The following RAP1GAP2 variants were observed in gnomAD, a reference collection of about 807,000 sequenced individuals.
The protein encoded by RAP1GAP2 is rap1 GTPase-activating protein 2.
Under a neutral mutation model 95.0 loss-of-function variants are expected in RAP1GAP2, and 27 were observed. The ratio of observed to expected loss-of-function variants is 0.28; its 90% CI spans 0.21 to 0.39. RAP1GAP2 has a LOEUF of 0.39. Ranked by LOEUF, RAP1GAP2 falls within the 10% of genes least tolerant of loss-of-function variation. RAP1GAP2 has a pLI of 1.00. For synonymous variants in RAP1GAP2, 373 were observed against 380.9 expected, an observed-to-expected ratio of 0.98 and a Z score of 0.24; for missense variants, 771 against 970.0, an observed-to-expected ratio of 0.79 and a Z score of 2.72.
At chr17:2,814,987 G>T (rs2069942457) in intron 2 of RAP1GAP2, among the ~76,000 whole-genome samples, 1 of 152,084 alleles carries the variant, frequency 6.6e-6, no homozygotes, top group Admixed American at 6.6e-5. Context: ...ACCCTGCCAT[G>T]CCCTGTTCAA....
chr17:2,970,884 A>T (rs1017534), intron 8 of RAP1GAP2, among the ~76,000 whole-genome samples: 27,273 of 151,894 alleles, frequency 0.18, 2,782 homozygotes, highest in East Asian at 0.32. Context: ...TTAAAAAAAA[A>T]ATTAGCTGGG....
intron 2 of RAP1GAP2, among the ~76,000 whole-genome samples, chr17:2,844,121 C>T (rs1026667619): frequency 1.3e-5 from 2 of 151,852 alleles, no homozygotes. Context: ...CCTGGGTTCA[C>T]GCCATTCTCC....
At chr17:2,969,658 C>T (rs2044773179) in intron 8 of RAP1GAP2, among the ~76,000 whole-genome samples, 1 of 151,788 alleles carries the variant, frequency 6.6e-6, no homozygotes, top group Non-Finnish European at 1.5e-5. Flanking sequence ...CATGCCACCA[C>T]ACCTGGCTAA....
intron 2 of RAP1GAP2, among the ~76,000 whole-genome samples, chr17:2,887,405 G>A (rs1038648552): frequency 1.6e-4 from 24 of 148,258 alleles, no homozygotes; most frequent in Non-Finnish European, 2.2e-4. Context: ...ATGGAGTTTC[G>A]CTCTTGTTGT....
intron 3 of RAP1GAP2, among the ~76,000 whole-genome samples, chr17:2,921,060 C>A (rs141656953): frequency 6.6e-6 from 1 of 152,118 alleles, no homozygotes; most frequent in Non-Finnish European, 1.5e-5. Context: ...CTCCCGGAGC[C>A]CCCCCGGCAG....
intron 1 of RAP1GAP2, among the ~76,000 whole-genome samples, chr17:2,757,233 C>T (rs1268535030): frequency 6.6e-6 from 1 of 152,206 alleles, no homozygotes. Flanking sequence ...ATCCTCCCAC[C>T]TCAGCCTCCC....
chr17:3,013,908 G>A (rs2046660761), intron 17 of RAP1GAP2, among the ~76,000 whole-genome samples: 1 of 152,132 alleles, frequency 6.6e-6, no homozygotes, highest in African/African-American at 2.4e-5. Context: ...GATCTTGTAT[G>A]TGAAGCTCAT....
At chr17:2,812,573 C>T (rs1178671863) in intron 2 of RAP1GAP2, among the ~76,000 whole-genome samples, 2 of 151,890 alleles carry the variant, frequency 1.3e-5, no homozygotes, top group East Asian at 3.9e-4. Flanking sequence ...CCCCCAGCCC[C>T]CATCTGGTGG....
chr17:2,872,021 C>T (rs575713602), intron 2 of RAP1GAP2, among the ~76,000 whole-genome samples: 4 of 151,978 alleles, frequency 2.6e-5, no homozygotes, highest in Admixed American at 1.3e-4. Context: ...GCCAGGAATT[C>T]GAGACCAGAC....
intron 3 of RAP1GAP2, among the ~76,000 whole-genome samples, chr17:2,908,585 T>G (rs551526531): frequency 4.0e-5 from 6 of 151,778 alleles, no homozygotes; most frequent in African/African-American, 1.2e-4. Context: ...TGATGAGATA[T>G]GAGATTTGGG....
chr17:2,850,185 A>G, intron 2 of RAP1GAP2, among the ~76,000 whole-genome samples: 1 of 150,720 alleles, frequency 6.6e-6, no homozygotes, highest in East Asian at 2.0e-4. Context: ...TATTTTTAGT[A>G]GAGACGGGGT....
Position 2,904,393 on chromosome 17 carries a change from G to A in RAP1GAP2, c.81-891G>A, listed in dbSNP as rs974954787. ...AGTGTGTGAGCGCGGCAAACTTGTC[G>A]CAGTCATGTTGCCATGGTGACACAA... is the stretch of plus-strand genomic sequence containing the variant. On this transcript the variant is annotated intron_variant, in intron 2 of 24. Transcript: ENST00000254695. This position sits in a 1 kb window ranked among gnomAD's most constrained non-coding sequence, Gnocchi z 4.7. 1.3e-5 allele frequency among the ~76,000 whole-genome samples: 2 copies of A among 152,170 alleles called. No homozygotes were observed. Among genetic ancestry groups the A allele is most frequent in the African/African-American group, 4.8e-5 (2 of 41,442 alleles).
At chr17:2,764,611 C>T (rs2068242741) in intron 1 of RAP1GAP2, among the ~76,000 whole-genome samples, 3 of 152,066 alleles carry the variant, frequency 2.0e-5, no homozygotes. Context: ...ATCCCAGCTA[C>T]TCAGGAGGCT....
At chr17:3,021,428 GTCTTTT>G (rs2046954006) in intron 19 of RAP1GAP2, among the ~76,000 whole-genome samples, 1 of 100,252 alleles carries the variant, frequency 1.0e-5, no homozygotes. Flanking sequence ...TGCGATATTT[GTCTTTT>G]TTTTTTTTTT....
intron 2 of RAP1GAP2, among the ~76,000 whole-genome samples, chr17:2,882,014 G>A (rs1045564916): frequency 6.6e-6 from 1 of 150,606 alleles, no homozygotes; most frequent in African/African-American, 2.4e-5. Flanking sequence ...TAGAGGTGGG[G>A]TTTCACTGTG....
intron 1 of RAP1GAP2, among the ~76,000 whole-genome samples, chr17:2,790,042 T>A (rs890451505): frequency 2.0e-5 from 3 of 152,028 alleles, no homozygotes; most frequent in Non-Finnish European, 2.9e-5. Flanking sequence ...TTCACTAATG[T>A]GGGGTTGCTG....
intron 4 of RAP1GAP2, 22 bp from the exon 5 acceptor site, chr17:2,962,648 C>T: frequency 1.9e-6 from 3 of 1,572,222 alleles, no homozygotes; most frequent in Middle Eastern, 1.8e-4. Flanking sequence ...TTCTGTGGAT[C>T]CTGTTTTCCT....
intron 4 of RAP1GAP2, 135 bp from the exon 5 acceptor site, chr17:2,962,535 T>C: frequency 4.5e-6 from 4 of 884,086 alleles, no homozygotes; most frequent in Non-Finnish European, 6.9e-6. Flanking sequence ...CCAGGTGTGA[T>C]GTGTGCAGGC....
At chr17:2,918,793 G>A (rs1023644131) in intron 3 of RAP1GAP2, among the ~76,000 whole-genome samples, 1 of 152,120 alleles carries the variant, frequency 6.6e-6, no homozygotes, top group Admixed American at 6.6e-5. Context: ...AGATTTGAGT[G>A]GGGACACAAA....
Sources: allele counts gnomAD v4.1 joint callset (sites outside exome capture counted in the v4.1 genomes callset), GRCh38; gene constraint gnomAD v4.1.1; non-coding constraint Gnocchi (gnomAD v3.1); transcripts MANE v1.5; gene names NCBI Gene and HGNC (gene_info 2026-07-23, HGNC 2026-07-21).